The following HS3ST4 variants were observed in gnomAD, a reference collection of about 807,000 sequenced individuals.
HS3ST4 encodes the protein heparan sulfate glucosamine 3-O-sulfotransferase 4.
HS3ST4 carries 17 observed loss-of-function variants against 29.2 expected under a neutral mutation model. The ratio of observed to expected loss-of-function variants is 0.58; its 90% CI spans 0.40 to 0.87. The LOEUF is 0.87. Ranked by LOEUF, HS3ST4 falls within the 40% of genes least tolerant of loss-of-function variation. The pLI is 0.00. For missense variants in HS3ST4, 627 were observed against 634.5 expected (o/e 0.99, Z 0.13); for synonymous variants, 314 against 285.7 (o/e 1.10, Z -1.00).
intron 1 of HS3ST4, among the ~76,000 whole-genome samples, chr16:25,735,611 G>A (rs563103479): frequency 1.1e-4 from 17 of 152,174 alleles, no homozygotes; most frequent in Non-Finnish European, 8.8e-5. Context: ...GTCTGGTCTC[G>A]AACTCTTGGT....
intron 1 of HS3ST4, among the ~76,000 whole-genome samples, chr16:25,700,440 A>G (rs1966327332): frequency 6.6e-6 from 1 of 151,940 alleles, no homozygotes; most frequent in African/African-American, 2.4e-5. Context: ...ACCCTACGAA[A>G]CCCTCTATTT....
chr16:25,899,904 T>C (rs1217018117), intron 1 of HS3ST4, among the ~76,000 whole-genome samples: 4 of 152,064 alleles, frequency 2.6e-5, no homozygotes, highest in African/African-American at 9.7e-5. Context: ...TGGGTCAATA[T>C]AACAAGGAAG....
intron 1 of HS3ST4, among the ~76,000 whole-genome samples, chr16:25,841,154 C>T (rs879933877): frequency 4.6e-5 from 7 of 151,836 alleles, no homozygotes; most frequent in South Asian, 2.1e-4. Context: ...TACAGGTGCC[C>T]GCCACCTCAC....
At chr16:25,857,970 T>TTCTTTCTC (rs1967598203) in intron 1 of HS3ST4, among the ~76,000 whole-genome samples, 1 of 53,952 alleles carries the variant, frequency 1.9e-5, no homozygotes, top group African/African-American at 9.9e-5. Context: ...CTTTCTTTCT[T>TTCTTTCTC]TCTCTTTTCT....
intron 1 of HS3ST4, among the ~76,000 whole-genome samples, chr16:26,087,574 T>C (rs1474128116): frequency 6.6e-6 from 1 of 152,116 alleles, no homozygotes; most frequent in African/African-American, 2.4e-5. Context: ...TTTCCATTTC[T>C]CACTATCTCC....
chr16:25,867,184 T>G (rs1378000565), intron 1 of HS3ST4, among the ~76,000 whole-genome samples: 4 of 151,994 alleles, frequency 2.6e-5, no homozygotes, highest in African/African-American at 9.7e-5. Flanking sequence ...CTAAACCTTA[T>G]GTCCACCCCA....
intron 1 of HS3ST4, among the ~76,000 whole-genome samples, chr16:25,731,958 A>G (rs1286731363): frequency 6.6e-6 from 1 of 152,184 alleles, no homozygotes; most frequent in Non-Finnish European, 1.5e-5. Context: ...TTGGAAGAAC[A>G]AACCTTTTCA....
chr16:26,035,319 T>C (rs1255619457), intron 1 of HS3ST4, among the ~76,000 whole-genome samples: 1 of 152,204 alleles, frequency 6.6e-6, no homozygotes, highest in East Asian at 1.9e-4. Context: ...AGAGTTATCA[T>C]CTACTCATGG....
At chr16:25,700,755 C>T (rs1311143917) in intron 1 of HS3ST4, among the ~76,000 whole-genome samples, 1 of 152,144 alleles carries the variant, frequency 6.6e-6, no homozygotes, top group Non-Finnish European at 1.5e-5. Flanking sequence ...TTGGGAATTG[C>T]GTTCTGAAAT....
intron 1 of HS3ST4, among the ~76,000 whole-genome samples, chr16:25,970,220 A>G (rs1017263635): frequency 6.6e-6 from 1 of 152,222 alleles, no homozygotes; most frequent in South Asian, 2.1e-4. Flanking sequence ...TGTGAATTGC[A>G]TGGGCTGCAT....
chr16:25,703,352 A>G (rs1966349960), intron 1 of HS3ST4, among the ~76,000 whole-genome samples: 1 of 152,160 alleles, frequency 6.6e-6, no homozygotes, highest in South Asian at 2.1e-4. Flanking sequence ...GGTAGATGAT[A>G]TTGTATCACG....
chr16:25,812,744 C>T lies in HS3ST4; in HGVS notation c.734+119593C>T, dbSNP rs141707390. 1.2e-3 allele frequency among the ~76,000 whole-genome samples: 182 copies of T among 151,952 alleles called. 1 individual carries two copies. The highest frequency in any genetic ancestry group is 4.2e-3 in the South Asian group (20 of 4,796). On this transcript the variant is annotated intron_variant, in intron 1 of 1. Transcript: ENST00000331351. ...CTTGAGACAGAGTTTTGCTGTTACC[C>T]AAGCTGGAATGCAGTGGAGTGATCA...
chr16:25,956,198 T>G (rs1429945148), intron 1 of HS3ST4, among the ~76,000 whole-genome samples: 1 of 152,234 alleles, frequency 6.6e-6, no homozygotes, highest in African/African-American at 2.4e-5. Context: ...CGTCTTATTC[T>G]TCAACAACAT....
intron 1 of HS3ST4, among the ~76,000 whole-genome samples, chr16:25,917,304 C>G (rs1456992456): frequency 6.6e-6 from 1 of 152,106 alleles, no homozygotes; most frequent in African/African-American, 2.4e-5. Context: ...CCTCCACCTC[C>G]CAGGTTCAAG....
intron 1 of HS3ST4, among the ~76,000 whole-genome samples, chr16:25,888,806 C>A (rs994772381): frequency 1.3e-5 from 2 of 152,162 alleles, no homozygotes; most frequent in African/African-American, 4.8e-5. Context: ...ACAACAACAA[C>A]AACAACAACT....
At chr16:25,953,771 A>G (rs1233295399) in intron 1 of HS3ST4, among the ~76,000 whole-genome samples, 2 of 152,320 alleles carry the variant, frequency 1.3e-5, no homozygotes, top group East Asian at 3.9e-4. Context: ...AAGGATGCCA[A>G]TTCTGGGTGT....
chr16:25,722,683 G>A (rs1966505980), intron 1 of HS3ST4, among the ~76,000 whole-genome samples: 1 of 152,208 alleles, frequency 6.6e-6, no homozygotes, highest in Non-Finnish European at 1.5e-5. Context: ...CACAGGCTCT[G>A]GAGCCAACTG....
At chr16:25,786,485 A>G (rs1596570346) in intron 1 of HS3ST4, among the ~76,000 whole-genome samples, 1 of 152,360 alleles carries the variant, frequency 6.6e-6, no homozygotes, top group East Asian at 1.9e-4. Context: ...CATTATCATT[A>G]TCACTATTGT....
chr16:26,125,591 G>A (rs371051933), intron 1 of HS3ST4, among the ~76,000 whole-genome samples: 45 of 152,226 alleles, frequency 3.0e-4, no homozygotes, highest in African/African-American at 1.0e-3. Flanking sequence ...GAAAAGCATG[G>A]AAATAATTCC....
Sources: allele counts gnomAD v4.1 joint callset (sites outside exome capture counted in the v4.1 genomes callset), GRCh38; gene constraint gnomAD v4.1.1; transcripts MANE v1.5; gene names NCBI Gene and HGNC (gene_info 2026-07-23, HGNC 2026-07-21).